The following PCDHA7 variants were observed in gnomAD, a reference collection of about 807,000 sequenced individuals.
PCDHA7 encodes protocadherin alpha-7.
Under a neutral mutation model 57.2 loss-of-function variants are expected in PCDHA7, and 37 were observed. That is an observed-to-expected ratio of 0.65 (90% CI 0.50 to 0.85). PCDHA7 has a LOEUF of 0.85. Ranked by LOEUF, PCDHA7 falls within the 40% of genes least tolerant of loss-of-function variation. PCDHA7 has a pLI of 0.00. For synonymous variants in PCDHA7, 553 were observed against 558.8 expected (o/e 0.99, Z 0.15); for missense variants, 1,188 against 1,241.8 (o/e 0.96, Z 0.65).
chr5:140,877,982 T>A, intron 1 of PCDHA7: 1 of 1,221,278 alleles, frequency 8.2e-7, no homozygotes, highest in Non-Finnish European at 1.1e-6. Flanking sequence ...CTTACTCATT[T>A]TGAACTTTTA....
chr5:140,969,305 A>C (rs1481597194), intron 1 of PCDHA7: 1 of 1,614,206 alleles, frequency 6.2e-7, no homozygotes, highest in East Asian at 2.2e-5. Flanking sequence ...GATTATTCTC[A>C]AAAATGAGGC....
chr5:140,994,568 G>T (rs1240135648), intron 3 of PCDHA7, among the ~76,000 whole-genome samples: 1 of 151,992 alleles, frequency 6.6e-6, no homozygotes, highest in Non-Finnish European at 1.5e-5. Context: ...AGCCGGGTGT[G>T]GTGGCATGCA....
chr5:141,007,395 CAAAAAAAAAAAAAAAA>C (rs35800918), intron 3 of PCDHA7, among the ~76,000 whole-genome samples: 1 of 94,866 alleles, frequency 1.1e-5, no homozygotes. Context: ...TACTAAAATA[CAAAAAAAAAAAAAAAA>C]AAAAAAATTA....
At chr5:140,957,398 TTTA>T (rs2095356378) in intron 1 of PCDHA7, among the ~76,000 whole-genome samples, 1 of 152,304 alleles carries the variant, frequency 6.6e-6, no homozygotes, top group South Asian at 2.1e-4. Context: ...ATTGTCCTAA[TTTA>T]TTATTATTGT....
chr5:140,863,242 G>A (rs2047891518), intron 1 of PCDHA7: 3 of 1,345,158 alleles, frequency 2.2e-6, no homozygotes, highest in African/African-American at 2.9e-5. Context: ...GCGGGCTTTG[G>A]CGGGCGTCGA....
chr5:140,949,277 G>T (rs934497662), intron 1 of PCDHA7, among the ~76,000 whole-genome samples: 2 of 151,734 alleles, frequency 1.3e-5, no homozygotes, highest in African/African-American at 2.4e-5. Context: ...CACTTGAAAA[G>T]AATGTATATT....
chr5:140,856,851 C>A, intron 1 of PCDHA7: 1 of 1,593,160 alleles, frequency 6.3e-7, no homozygotes. Flanking sequence ...GCTTCTGATT[C>A]GGATGAAGGA....
chr5:140,842,381 T>A (rs2150334920), intron 1 of PCDHA7: 1 of 1,610,534 alleles, frequency 6.2e-7, no homozygotes, highest in South Asian at 1.1e-5. Context: ...AGCACTGACT[T>A]CCTTATCCTT....
chr5:140,839,771 G>C (rs1190836066), intron 1 of PCDHA7, among the ~76,000 whole-genome samples: 1 of 151,892 alleles, frequency 6.6e-6, no homozygotes, highest in Non-Finnish European at 1.5e-5. Context: ...TACGTTTTTG[G>C]TAAGAATTTT....
At position 140,834,523 on chromosome 5, in the gene PCDHA7, G is replaced by A; in HGVS notation, c.140G>A (p.Arg47His). The change falls in exon 1 of 4, where the codon CGC (arginine) becomes CAC (histidine). Residue 47 changes from arginine to histidine, a missense_variant. By Grantham distance (29) the Arg-to-His change is conservative. Around this residue, in one of 3 missense-constraint regions of PCDHA7, gnomAD observed 194 missense variants for 185.8 expected, o/e 1.04. Transcript: ENST00000525929. ...EEAKHGNFVG[R>H]IAQDLGLELA... The stretch of plus-strand genomic sequence containing the variant: ...GCTAAACATGGCAACTTCGTGGGCC[G>A]CATCGCGCAGGACCTGGGGCTGGAG... 1.9e-6 allele frequency: 3 copies of A among 1,614,068 alleles called. No homozygotes were observed. The highest frequency in any genetic ancestry group is 2.2e-5 in the East Asian group (1 of 44,884).
intron 1 of PCDHA7, chr5:140,882,520 G>C (rs2059167404): frequency 6.2e-7 from 1 of 1,614,218 alleles, no homozygotes; most frequent in Admixed American, 1.7e-5. Context: ...ATGGCATTTT[G>C]TTTGTGAATT....
intron 1 of PCDHA7, among the ~76,000 whole-genome samples, chr5:140,873,282 T>C (rs961755772): frequency 2.6e-4 from 39 of 152,330 alleles, no homozygotes; most frequent in African/African-American, 8.7e-4. Context: ...TCATACCACT[T>C]ATGAAACTTT....
At chr5:140,842,168 A>G (rs2150330845) in intron 1 of PCDHA7, 2 of 1,613,900 alleles carry the variant, frequency 1.2e-6, no homozygotes, top group Non-Finnish European at 1.7e-6. Context: ...TTCTTTTAAT[A>G]GCCTTGTTGA....
At chr5:140,885,045 G>T (rs528565062) in intron 1 of PCDHA7, among the ~76,000 whole-genome samples, 3 of 152,238 alleles carry the variant, frequency 2.0e-5, no homozygotes, top group Admixed American at 1.3e-4. Context: ...TTAGTTTAAT[G>T]TATACATATA....
At chr5:140,876,459 C>T (rs2056359218) in intron 1 of PCDHA7, 1 of 1,613,878 alleles carries the variant, frequency 6.2e-7, no homozygotes, top group Non-Finnish European at 8.5e-7. Flanking sequence ...GGATTCCTTC[C>T]ATGGCAGGTC....
intron 1 of PCDHA7, among the ~76,000 whole-genome samples, chr5:140,909,018 A>AT: frequency 6.6e-6 from 1 of 152,230 alleles, no homozygotes; most frequent in East Asian, 1.9e-4. Context: ...AGGTTCCTGA[A>AT]TTTTAGTCAT....
At chr5:140,994,222 C>T (rs2097605581) in intron 3 of PCDHA7, among the ~76,000 whole-genome samples, 1 of 152,168 alleles carries the variant, frequency 6.6e-6, no homozygotes, top group Admixed American at 6.5e-5. Context: ...CAGGGTCTGT[C>T]TATGTTATAA....
chr5:140,836,814 A>G (rs1264836284), intron 1 of PCDHA7, 76 bp downstream of exon 1: 2 of 1,218,204 alleles, frequency 1.6e-6, no homozygotes, highest in African/African-American at 1.5e-5. Flanking sequence ...TTTCTTTCAT[A>G]ATTTCTTTTT....
rs186574903 is a variant in PCDHA7, at chr5:140,898,271, A to T, written c.2355+61533A>T. On this transcript the variant is annotated intron_variant, in intron 1 of 3. Transcript: ENST00000525929. The stretch of plus-strand genomic sequence containing the variant: ...AGACATGAAGTCCTTGCCCATGCCT[A>T]AGTTCTGAATGGTAATGCCTAGGTT... 4.6e-3 allele frequency among the ~76,000 whole-genome samples: 703 copies of T among 152,290 alleles called. 3 individuals carry two copies. The highest frequency in any genetic ancestry group is 0.016 in the African/African-American group (680 of 41,550).
Sources: allele counts gnomAD v4.1 joint callset (sites outside exome capture counted in the v4.1 genomes callset), GRCh38; gene constraint gnomAD v4.1.1; regional missense constraint gnomAD v4.1.1; transcripts MANE v1.5; gene names NCBI Gene and HGNC (gene_info 2026-07-23, HGNC 2026-07-21).